MDGA2: variants seen among roughly 807,000 people sequenced by gnomAD.
MDGA2 encodes the protein MAM domain containing glycosylphosphatidylinositol anchor 2.
A neutral mutation model predicts 117.8 loss-of-function variants in MDGA2; 40 were observed. The ratio of observed to expected loss-of-function variants is 0.34; its 90% CI spans 0.26 to 0.44. The LOEUF is 0.44. MDGA2 is among the 20% of genes least tolerant of loss of function. The pLI is 1.00. For synonymous variants in MDGA2, 452 were observed against 439.0 expected, an observed-to-expected ratio of 1.03 and a Z score of -0.37; for missense variants, 1,123 against 1,250.6, an observed-to-expected ratio of 0.90 and a Z score of 1.54.
At chr14:47,063,306 A>C (rs973357208) in intron 6 of MDGA2, among the ~76,000 whole-genome samples, 13 of 152,084 alleles carry the variant, frequency 8.5e-5, no homozygotes, top group Non-Finnish European at 2.9e-5. Flanking sequence ...TTTCCATAAT[A>C]AAATGCAACT....
chr14:46,983,233 TAAAC>T (rs1310587343), intron 8 of MDGA2, among the ~76,000 whole-genome samples: 2 of 152,142 alleles, frequency 1.3e-5, no homozygotes, highest in Admixed American at 6.6e-5. Flanking sequence ...ACAAATAAAA[TAAAC>T]AAAACTGTTT....
chr14:47,178,718 A>T (rs1358475469), intron 3 of MDGA2, among the ~76,000 whole-genome samples: 7 of 152,184 alleles, frequency 4.6e-5, no homozygotes, highest in Non-Finnish European at 2.9e-5. Context: ...GGGAACTATC[A>T]GAAACAATTA....
Position 46,874,024 on chromosome 14 carries a change from CA to C in MDGA2, c.2593+20del. 1.3e-6 allele frequency: 2 copies of C among 1,515,400 alleles called. No homozygotes were observed. Among genetic ancestry groups the C allele is most frequent in the East Asian group, 2.5e-5 (1 of 39,434 alleles). The allele number at this position is 1,515,400 out of a possible 1,614,324, so 93.9% of individuals were successfully genotyped here. On this transcript the variant is annotated intron_variant, in intron 13 of 16. Transcript: ENST00000399232. ...TAAAAGTCTCTGATTGCTATGAACA[CA>C]AAAGGTCATACCCCCATACCTTCTT...
chr14:47,391,118 C>T (rs1566766141), intron 1 of MDGA2, among the ~76,000 whole-genome samples: 1 of 152,170 alleles, frequency 6.6e-6, no homozygotes, highest in African/African-American at 2.4e-5. Flanking sequence ...TTGGCAGACA[C>T]ATAATAACCC....
chr14:46,878,745 A>T (rs956349636), intron 11 of MDGA2, among the ~76,000 whole-genome samples: 8 of 152,012 alleles, frequency 5.3e-5, no homozygotes, highest in African/African-American at 1.7e-4. Context: ...TAATTTTAAA[A>T]TTAGTAAAAA....
chr14:46,977,617 T>C (rs146823309), intron 8 of MDGA2, among the ~76,000 whole-genome samples: 1 of 152,070 alleles, frequency 6.6e-6, no homozygotes, highest in Non-Finnish European at 1.5e-5. Context: ...CTAACCATTT[T>C]ATATGCTGAT....
chr14:47,631,090 C>G (rs1438350433), intron 1 of MDGA2, among the ~76,000 whole-genome samples: 1 of 152,178 alleles, frequency 6.6e-6, no homozygotes, highest in Non-Finnish European at 1.5e-5. Flanking sequence ...ATGTGATCAC[C>G]TGGAAGGCTT....
chr14:46,996,965 A>G (rs1245104167), intron 8 of MDGA2: 4 of 404,000 alleles, frequency 9.9e-6, no homozygotes, highest in East Asian at 1.4e-4. Context: ...TTTGGTGGGA[A>G]TAGCTTCATG....
intron 1 of MDGA2, among the ~76,000 whole-genome samples, chr14:47,310,886 A>G (rs1889612430): frequency 6.6e-6 from 1 of 152,152 alleles, no homozygotes; most frequent in South Asian, 2.1e-4. Flanking sequence ...AGCTATTATA[A>G]CACTGCAGGA....
In MDGA2 at chr14:46,888,565, A is replaced by G. The variant is rs117337545; in HGVS notation, c.2239-6344T>C. On this transcript the variant is annotated intron_variant, in intron 10 of 16. Coordinates refer to ENST00000399232, the MANE Select transcript of MDGA2 (RefSeq NM_001113498.3). ...TTATTTTTACCACAGAAGATAATTA[A>G]AAAGCTATTGCTGAAAAGGTCTCAG... Among the ~76,000 whole-genome samples, 1,217 of 152,092 alleles carry G rather than the reference A, an allele frequency of 8.0e-3. 13 individuals are homozygous for G. The highest frequency in any genetic ancestry group is 0.012 in the Non-Finnish European group (839 of 67,888).
chr14:47,319,485 T>C (rs1287968311), intron 1 of MDGA2, among the ~76,000 whole-genome samples: 4 of 152,166 alleles, frequency 2.6e-5, no homozygotes, highest in Admixed American at 2.6e-4. Context: ...ATTAAAAGCA[T>C]ATCCCATTTT....
chr14:47,547,182 C>T (rs972587751), intron 1 of MDGA2, among the ~76,000 whole-genome samples: 3 of 152,016 alleles, frequency 2.0e-5, no homozygotes, highest in African/African-American at 7.3e-5. Flanking sequence ...GACAGCACAA[C>T]AAGATTGAAT....
At chr14:46,843,290 T>A (rs1358189341) in intron 16 of MDGA2, among the ~76,000 whole-genome samples, 2 of 152,198 alleles carry the variant, frequency 1.3e-5, no homozygotes, top group Non-Finnish European at 2.9e-5. Context: ...TTCCTTTGCT[T>A]TCTTCCTTTG....
At chr14:46,974,171 A>G (rs1423225331) in intron 8 of MDGA2, among the ~76,000 whole-genome samples, 9 of 152,316 alleles carry the variant, frequency 5.9e-5, no homozygotes, top group South Asian at 4.1e-4. Context: ...TAATTTAACC[A>G]AGGAATTAAA....
At chr14:47,206,261 A>G (rs2139460568) in intron 3 of MDGA2, among the ~76,000 whole-genome samples, 1 of 152,122 alleles carries the variant, frequency 6.6e-6, no homozygotes, top group South Asian at 2.1e-4. Flanking sequence ...GCAGTAAGTT[A>G]TCATTGAGAA....
At chr14:47,576,890 G>A (rs879142230) in intron 1 of MDGA2, among the ~76,000 whole-genome samples, 6 of 151,970 alleles carry the variant, frequency 3.9e-5, no homozygotes, top group East Asian at 1.9e-4. Context: ...CTGGGACCAC[G>A]GGCATGTGCC....
chr14:46,955,338 G>T (rs185473184), intron 9 of MDGA2, among the ~76,000 whole-genome samples: 1 of 151,918 alleles, frequency 6.6e-6, no homozygotes, highest in Non-Finnish European at 1.5e-5. Flanking sequence ...TGGCATCTGG[G>T]TTTCTACTAA....
intron 1 of MDGA2, among the ~76,000 whole-genome samples, chr14:47,585,196 T>C (rs571550375): frequency 2.6e-4 from 39 of 152,014 alleles, no homozygotes; most frequent in African/African-American, 7.5e-4. Flanking sequence ...GAGTGACTAT[T>C]TGAAAGACAG....
intron 7 of MDGA2, among the ~76,000 whole-genome samples, chr14:47,047,340 T>C (rs946433287): frequency 5.9e-5 from 9 of 152,122 alleles, no homozygotes; most frequent in African/African-American, 1.9e-4. Context: ...AGTTTTCTTA[T>C]CTGCAAATTA....
Sources: allele counts gnomAD v4.1 joint callset (sites outside exome capture counted in the v4.1 genomes callset), GRCh38; gene constraint gnomAD v4.1.1; transcripts MANE v1.5; gene names NCBI Gene and HGNC (gene_info 2026-07-23, HGNC 2026-07-21).